Variants in DDX60 observed in about 807,000 individuals in gnomAD.
DDX60 encodes the protein DExD/H-box helicase 60.
DDX60 carries 165 observed loss-of-function variants against 212.8 expected under a neutral mutation model. The observed-to-expected ratio is 0.78, with a 90% CI of 0.68 to 0.88. The LOEUF is 0.88. Ranked by LOEUF, DDX60 falls within the 40% of genes least tolerant of loss-of-function variation. The pLI is 0.00. For missense variants in DDX60, 1,905 were observed against 2,003.9 expected, an observed-to-expected ratio of 0.95 and a Z score of 0.94; for synonymous variants, 703 against 685.3, an observed-to-expected ratio of 1.03 and a Z score of -0.40.
chr4:168,262,813 T>C, intron 22 of DDX60, 26 bp from the exon 23 acceptor site: 1 of 1,464,494 alleles, frequency 6.8e-7, no homozygotes, highest in Non-Finnish European at 9.3e-7. Flanking sequence ...TTAAAATTTT[T>C]ACTCTTTATT....
intron 1 of DDX60, among the ~76,000 whole-genome samples, chr4:168,314,925 G>C (rs1262501709): frequency 6.6e-6 from 1 of 152,054 alleles, no homozygotes; most frequent in Non-Finnish European, 1.5e-5. Context: ...ACTACGCCTA[G>C]GCACAACTTG....
chr4:168,289,771 C>T (rs1736007816), intron 8 of DDX60, among the ~76,000 whole-genome samples: 1 of 152,142 alleles, frequency 6.6e-6, no homozygotes, highest in African/African-American at 2.4e-5. Context: ...TGACTCCTTC[C>T]TTTCCCTCGT....
At chr4:168,247,290 A>G (rs1329586257) in intron 29 of DDX60, among the ~76,000 whole-genome samples, 1 of 152,200 alleles carries the variant, frequency 6.6e-6, no homozygotes, top group Non-Finnish European at 1.5e-5. Context: ...CCGTCATCCC[A>G]CATATCAAAC....
intron 30 of DDX60, among the ~76,000 whole-genome samples, chr4:168,238,257 A>C (rs564908589): frequency 6.8e-4 from 101 of 148,642 alleles, no homozygotes; most frequent in African/African-American, 2.4e-3. Context: ...AAAAAAAAAA[A>C]AACCCAGCAT....
At chr4:168,287,430 T>G (rs1349625294) in intron 9 of DDX60, among the ~76,000 whole-genome samples, 1 of 152,174 alleles carries the variant, frequency 6.6e-6, no homozygotes, top group African/African-American at 2.4e-5. Context: ...AGTATTAAAT[T>G]TGTAAGCACA....
upstream of DDX60, among the ~76,000 whole-genome samples, chr4:168,320,361 A>T (rs1737574400): frequency 6.6e-6 from 1 of 152,186 alleles, no homozygotes; most frequent in African/African-American, 2.4e-5. Flanking sequence ...ACAGTCAGTG[A>T]CAGAATGTGG....
intron 19 of DDX60, among the ~76,000 whole-genome samples, chr4:168,270,029 A>G (rs961005315): frequency 6.6e-6 from 1 of 152,096 alleles, no homozygotes; most frequent in African/African-American, 2.4e-5. Flanking sequence ...GTTTGTACCA[A>G]CGTGGGCTGG....
At chr4:168,279,002 A>T (rs1297137970) in intron 14 of DDX60, among the ~76,000 whole-genome samples, 1 of 152,164 alleles carries the variant, frequency 6.6e-6, no homozygotes, top group Non-Finnish European at 1.5e-5. Flanking sequence ...TGCCCAATAG[A>T]ACCTACACAT....
At chr4:168,307,616 C>T (rs912581129) in intron 4 of DDX60, among the ~76,000 whole-genome samples, 1 of 152,012 alleles carries the variant, frequency 6.6e-6, no homozygotes, top group East Asian at 1.9e-4. Flanking sequence ...GCCAACAAAG[C>T]ATTATTAATG....
intron 30 of DDX60, among the ~76,000 whole-genome samples, chr4:168,239,277 G>T (rs1733750548): frequency 6.6e-6 from 1 of 152,000 alleles, no homozygotes; most frequent in South Asian, 2.1e-4. Flanking sequence ...GTAGATAGAT[G>T]ATTGATAGAT....
rs1734089264 is a variant in DDX60, at chr4:168,248,226, G to C, written c.3925C>G (p.Gln1309Glu). The change falls in exon 29 of 38, where the codon CAA becomes GAA. Residue 1309 changes from glutamine to glutamate, a missense_variant. Transcript: ENST00000393743. ...NMPCKSVVFAQNSVYLDALNY... is the reference protein window; with the variant it reads ...NMPCKSVVFAENSVYLDALNY... ...AACGCATCCAGATAGACTGAGTTTT[G>C]AGCAAAAACCACAGATTTACAAGGC... is the stretch of plus-strand genomic sequence containing the variant. The C allele has an allele frequency of 1.2e-6, 2 of 1,610,490 alleles. No individual in the cohort carries two copies. The highest frequency in any genetic ancestry group is 1.7e-6 in the Non-Finnish European group (2 of 1,178,796).
the DDX60 span, among the ~76,000 whole-genome samples, chr4:168,325,616 C>T: frequency 1.5e-4 from 22 of 148,544 alleles, no homozygotes; most frequent in Admixed American, 1.4e-3. Context: ...AATGAGTACA[C>T]TCCATCTGTG....
At chr4:168,324,765 A>G in the DDX60 span, among the ~76,000 whole-genome samples, 3 of 152,236 alleles carry the variant, frequency 2.0e-5, no homozygotes, top group Admixed American at 6.5e-5. Context: ...AAGCTCCTTT[A>G]TGAGTATTTG....
In DDX60 at chr4:168,255,322, A is replaced by T. The variant is rs149600798; in HGVS notation, c.3557+389T>A. ...ACAAAACTGTGATGTTATATTAGTG[A>T]GACTTCTTTGTCATGACCAAAGACA... On this transcript the variant is annotated intron_variant, in intron 26 of 37. Transcript: ENST00000393743. 4.8e-3 allele frequency among the ~76,000 whole-genome samples: 728 copies of T among 152,250 alleles called. 13 individuals are homozygous for T. Among genetic ancestry groups the T allele is most frequent in the East Asian group, 0.043 (222 of 5,172 alleles).
At chr4:168,243,089 C>T (rs1283708569) in intron 30 of DDX60, among the ~76,000 whole-genome samples, 3 of 152,202 alleles carry the variant, frequency 2.0e-5, no homozygotes, top group Non-Finnish European at 4.4e-5. Context: ...ACTTGCTCCT[C>T]CTTGCCTTCT....
chr4:168,240,563 C>A (rs1218956877), intron 30 of DDX60, among the ~76,000 whole-genome samples: 1 of 152,174 alleles, frequency 6.6e-6, no homozygotes, highest in East Asian at 1.9e-4. Context: ...TGCTACCCAA[C>A]TTCTACCTTT....
chr4:168,301,068 A>G (rs948146960), intron 6 of DDX60, among the ~76,000 whole-genome samples: 2 of 152,186 alleles, frequency 1.3e-5, no homozygotes, highest in African/African-American at 2.4e-5. Flanking sequence ...ACAAACCTGC[A>G]TATGTATTCC....
intron 29 of DDX60, among the ~76,000 whole-genome samples, chr4:168,247,749 G>A (rs1393804290): frequency 1.3e-5 from 2 of 152,172 alleles, no homozygotes; most frequent in East Asian, 3.9e-4. Flanking sequence ...TAATGAAGTG[G>A]GCTTGGTAAC....
intron 6 of DDX60, among the ~76,000 whole-genome samples, chr4:168,296,225 C>T (rs1736336442): frequency 6.6e-6 from 1 of 152,014 alleles, no homozygotes; most frequent in African/African-American, 2.4e-5. Flanking sequence ...ACGTTGTATA[C>T]ATATATCAAA....
Sources: gnomAD v4.1 joint callset for allele counts (sites outside exome capture counted in the v4.1 genomes callset) on GRCh38, gnomAD v4.1.1 for gene constraint, MANE v1.5 for transcripts, NCBI Gene and HGNC (gene_info 2026-07-23, HGNC 2026-07-21) for gene names.